MAGI2: variants seen among roughly 807,000 people sequenced by gnomAD.
MAGI2 encodes the protein membrane associated guanylate kinase, WW and PDZ domain containing 2, also known as membrane-associated guanylate kinase, WW and PDZ domain-containing protein 2.
A neutral mutation model predicts 133.3 loss-of-function variants in MAGI2; 35 were observed. The observed-to-expected ratio is 0.26, with a 90% CI of 0.20 to 0.35. MAGI2 has a LOEUF of 0.35. Ranked by LOEUF, MAGI2 falls within the 10% of genes least tolerant of loss-of-function variation. The pLI is 1.00. For synonymous variants in MAGI2, 729 were observed against 710.6 expected, an observed-to-expected ratio of 1.03 and a Z score of -0.41; for missense variants, 1,636 against 1,863.4, an observed-to-expected ratio of 0.88 and a Z score of 2.25.
intron 2 of MAGI2, among the ~76,000 whole-genome samples, chr7:78,781,259 G>A (rs570127200): frequency 6.6e-6 from 1 of 151,134 alleles, no homozygotes; most frequent in South Asian, 2.1e-4. Flanking sequence ...GGCGCCTGTA[G>A]TCCCAGCTAC....
At chr7:78,309,900 A>G (rs1340975737) in intron 9 of MAGI2, among the ~76,000 whole-genome samples, 1 of 152,158 alleles carries the variant, frequency 6.6e-6, no homozygotes, top group Non-Finnish European at 1.5e-5. Context: ...AAAATAAAAT[A>G]TTCTACATAA....
chr7:78,074,609 G>A (rs1369647618), intron 21 of MAGI2, among the ~76,000 whole-genome samples: 1 of 152,086 alleles, frequency 6.6e-6, no homozygotes, highest in East Asian at 1.9e-4. Context: ...TTTTCCATTA[G>A]CACTTTCTTT....
intron 9 of MAGI2, among the ~76,000 whole-genome samples, chr7:78,305,355 C>G (rs1350288558): frequency 2.6e-5 from 4 of 152,170 alleles, no homozygotes; most frequent in African/African-American, 9.7e-5. Context: ...ACTGTCGTTG[C>G]TGCTCAACCA....
chr7:78,025,795 C>T (rs376248097), intron 21 of MAGI2, among the ~76,000 whole-genome samples: 128 of 152,282 alleles, frequency 8.4e-4, no homozygotes, highest in African/African-American at 2.8e-3. Context: ...CCGCTTTCAT[C>T]GGAGGCCCCT....
intron 2 of MAGI2, among the ~76,000 whole-genome samples, chr7:78,699,627 T>C (rs1817865371): frequency 6.6e-6 from 1 of 152,196 alleles, no homozygotes; most frequent in Non-Finnish European, 1.5e-5. Flanking sequence ...AACCTGCTTA[T>C]TGGGTTCATC....
chr7:78,464,794 C>T (rs1204541111), intron 6 of MAGI2, among the ~76,000 whole-genome samples: 4 of 150,092 alleles, frequency 2.7e-5, no homozygotes, highest in Non-Finnish European at 4.4e-5. Flanking sequence ...CAGGGATAGT[C>T]AGTCATTCTG....
intron 4 of MAGI2, among the ~76,000 whole-genome samples, chr7:78,515,074 C>T (rs1000162848): frequency 1.3e-5 from 2 of 152,090 alleles, no homozygotes; most frequent in African/African-American, 2.4e-5. Flanking sequence ...ATTCTTTGCA[C>T]TAGGCTTACT....
At chr7:78,597,821 A>T (rs1022165875) in intron 3 of MAGI2, among the ~76,000 whole-genome samples, 1 of 151,634 alleles carries the variant, frequency 6.6e-6, no homozygotes, top group Non-Finnish European at 1.5e-5. Context: ...AGAATCTTCA[A>T]TCCGATATTT....
chr7:78,749,388 G>T (rs763191361), intron 2 of MAGI2, among the ~76,000 whole-genome samples: 24 of 152,178 alleles, frequency 1.6e-4, no homozygotes, highest in Non-Finnish European at 2.9e-4. Flanking sequence ...TCGGGAGGAA[G>T]CAAGATAAAT....
chr7:78,529,760 T>C (rs1797304135), intron 3 of MAGI2, among the ~76,000 whole-genome samples: 1 of 136,466 alleles, frequency 7.3e-6, no homozygotes, highest in African/African-American at 2.7e-5. Context: ...CAAGCCTTCC[T>C]CCTACCTTGG....
At chr7:79,111,416 T>G (rs1172138369) in intron 1 of MAGI2, among the ~76,000 whole-genome samples, 1 of 152,190 alleles carries the variant, frequency 6.6e-6, no homozygotes, top group East Asian at 1.9e-4. Context: ...CACAAATACC[T>G]TGGCAATATA....
rs763729039 is a variant in MAGI2 at position 78,256,269 on chromosome 7, G to C, written c.1721C>G (p.Thr574Ser). 1 of 1,614,066 alleles carries C rather than the reference G, an allele frequency of 6.2e-7. No individual in the cohort carries two copies. The highest frequency in any genetic ancestry group is 2.2e-5 in the East Asian group (1 of 44,842). ...ATACGTGCCGTCTAGCTGACCATCA[G>C]TTGGCATGGAGTGCAGAGAATGAGG... ...RPPHSLHSMP[T>S]DGQLDGTYPP... The change falls in exon 10 of 22, where the codon ACT becomes AGT. Residue 574 changes from threonine (T) to serine (S), a missense_variant. By Grantham distance (58) the Thr-to-Ser change is moderately conservative (BLOSUM62 1). Transcript: ENST00000354212.
At chr7:79,435,528 C>T (rs921515152) in intron 1 of MAGI2, among the ~76,000 whole-genome samples, 2 of 151,980 alleles carry the variant, frequency 1.3e-5, no homozygotes, top group Admixed American at 6.6e-5. Context: ...GTTATAAATG[C>T]CATTCTTTTA....
At chr7:78,315,863 A>C (rs947014491) in intron 9 of MAGI2, among the ~76,000 whole-genome samples, 1 of 152,112 alleles carries the variant, frequency 6.6e-6, no homozygotes, top group Admixed American at 6.6e-5. Flanking sequence ...AACTGTGGTC[A>C]TCTTTGTCTC....
chr7:78,554,188 T>C (rs531005848), intron 3 of MAGI2, among the ~76,000 whole-genome samples: 1 of 152,116 alleles, frequency 6.6e-6, no homozygotes, highest in Admixed American at 6.5e-5. Flanking sequence ...TTTGTTAAAA[T>C]AGGGAAAAAT....
At chr7:79,356,968 G>C (rs1353953851) in intron 1 of MAGI2, among the ~76,000 whole-genome samples, 2 of 152,144 alleles carry the variant, frequency 1.3e-5, no homozygotes, top group African/African-American at 4.8e-5. Context: ...AAAAGGAGAA[G>C]AAATTTCCAT....
At chr7:78,313,022 A>G (rs1201962771) in intron 9 of MAGI2, among the ~76,000 whole-genome samples, 1 of 151,824 alleles carries the variant, frequency 6.6e-6, no homozygotes. Context: ...AATGAATGAA[A>G]TCATAAAAAA....
chr7:78,605,024 G>T (rs1296707316), intron 3 of MAGI2, among the ~76,000 whole-genome samples: 1 of 152,166 alleles, frequency 6.6e-6, no homozygotes, highest in East Asian at 1.9e-4. Context: ...CCAAGCCATG[G>T]CTCCATGGAC....
chr7:79,255,977 A>G (rs184541183), intron 1 of MAGI2, among the ~76,000 whole-genome samples: 164 of 152,352 alleles, frequency 1.1e-3, no homozygotes, highest in African/African-American at 3.7e-3. Flanking sequence ...AAACACTTTA[A>G]TATAAGCAGT....
Sources: allele counts gnomAD v4.1 joint callset (sites outside exome capture counted in the v4.1 genomes callset), GRCh38; gene constraint gnomAD v4.1.1; transcripts MANE v1.5; gene names NCBI Gene and HGNC (gene_info 2026-07-23, HGNC 2026-07-21).